Variants in DNER observed in about 807,000 individuals in gnomAD.
DNER encodes the protein delta/notch like EGF repeat containing, also known as delta and Notch-like epidermal growth factor-related receptor.
In DNER, 33 loss-of-function variants were observed where a neutral mutation model predicts 78.2. That is an observed-to-expected ratio of 0.42 (90% CI 0.32 to 0.56). The LOEUF is 0.56. Among genes scored for constraint, DNER ranks in the 20% least tolerant of loss-of-function variants. The pLI is 0.11. For missense variants in DNER, 918 were observed against 975.3 expected, an observed-to-expected ratio of 0.94 and a Z score of 0.78; for synonymous variants, 417 against 384.8, an observed-to-expected ratio of 1.08 and a Z score of -0.98.
chr2:229,409,202 A>G (rs1485420451), intron 9 of DNER, among the ~76,000 whole-genome samples: 1 of 152,226 alleles, frequency 6.6e-6, no homozygotes, highest in East Asian at 1.9e-4. Context: ...GCTCAATTGA[A>G]AGAATAAAAA....
chr2:229,388,650 A>G (rs1388835967), intron 10 of DNER, among the ~76,000 whole-genome samples: 5 of 117,498 alleles, frequency 4.3e-5, no homozygotes, highest in African/African-American at 1.2e-4. Context: ...TATATATAGC[A>G]CTGGTAAAAA....
At chr2:229,672,800 G>A (rs1212070720) in intron 1 of DNER, among the ~76,000 whole-genome samples, 1 of 152,192 alleles carries the variant, frequency 6.6e-6, no homozygotes, top group East Asian at 1.9e-4. Flanking sequence ...GCCTGCCCAT[G>A]TTTAAGGGAA....
chr2:229,362,380 A>G (rs1313009729), intron 12 of DNER, among the ~76,000 whole-genome samples: 1 of 152,178 alleles, frequency 6.6e-6, no homozygotes, highest in Non-Finnish European at 1.5e-5. Flanking sequence ...CTTCGTTGCA[A>G]CCTTCATGCA....
intron 9 of DNER, among the ~76,000 whole-genome samples, chr2:229,413,759 C>G (rs1354313517): frequency 6.7e-6 from 1 of 148,656 alleles, no homozygotes; most frequent in South Asian, 2.2e-4. Context: ...TTATATATAT[C>G]CTCCTAAAAA....
intron 1 of DNER, among the ~76,000 whole-genome samples, chr2:229,655,089 C>T (rs1469547060): frequency 6.6e-6 from 1 of 151,774 alleles, no homozygotes; most frequent in Non-Finnish European, 1.5e-5. Flanking sequence ...AAAACATTCC[C>T]AAATCCCAGT....
intron 6 of DNER, among the ~76,000 whole-genome samples, chr2:229,484,537 T>TTTG (rs1388289987): frequency 6.6e-6 from 1 of 152,128 alleles, no homozygotes; most frequent in Non-Finnish European, 1.5e-5. Flanking sequence ...AACTCTTCAT[T>TTTG]TTGTTGTTGT....
intron 5 of DNER, among the ~76,000 whole-genome samples, chr2:229,526,285 A>G (rs1696206499): frequency 6.6e-6 from 1 of 152,240 alleles, no homozygotes; most frequent in African/African-American, 2.4e-5. Context: ...ATTTAAGAAC[A>G]TTAACACTGC....
At chr2:229,539,820 C>T (rs1189016939) in intron 5 of DNER, among the ~76,000 whole-genome samples, 1 of 152,152 alleles carries the variant, frequency 6.6e-6, no homozygotes, top group African/African-American at 2.4e-5. Flanking sequence ...AGACATTTCT[C>T]TGGGCTCTCA....
chr2:229,391,269 G>C (rs115642144), intron 10 of DNER, among the ~76,000 whole-genome samples: 3 of 152,014 alleles, frequency 2.0e-5, no homozygotes, highest in African/African-American at 7.2e-5. Context: ...ATCAATATTC[G>C]TTTTAACTTA....
At chr2:229,467,036 T>G (rs908031499) in intron 7 of DNER, among the ~76,000 whole-genome samples, 3 of 152,174 alleles carry the variant, frequency 2.0e-5, no homozygotes, top group Admixed American at 2.0e-4. Flanking sequence ...TGTCAAGTCT[T>G]GGACTGTCAC....
intron 8 of DNER, among the ~76,000 whole-genome samples, chr2:229,444,506 G>A (rs1005447330): frequency 5.9e-5 from 9 of 152,130 alleles, no homozygotes; most frequent in Non-Finnish European, 1.3e-4. Flanking sequence ...TGCCTCACAC[G>A]TGTTGAAAAA....
chr2:229,527,364 C>T (rs143855777), intron 5 of DNER, among the ~76,000 whole-genome samples: 2 of 152,330 alleles, frequency 1.3e-5, no homozygotes, highest in East Asian at 3.9e-4. Flanking sequence ...ACAAGTTGCA[C>T]CTGCCTTCTA....
intron 11 of DNER, among the ~76,000 whole-genome samples, chr2:229,376,120 T>G (rs1692593741): frequency 6.6e-6 from 1 of 152,238 alleles, no homozygotes; most frequent in Admixed American, 6.5e-5. Flanking sequence ...GTGAGTCAAT[T>G]AAACCTCTTT....
At chr2:229,599,008 T>C (rs1406025439) in intron 1 of DNER, among the ~76,000 whole-genome samples, 1 of 152,078 alleles carries the variant, frequency 6.6e-6, no homozygotes, top group Non-Finnish European at 1.5e-5. Context: ...CCAAGCTAAG[T>C]GGGCAAAGGC....
At chr2:229,533,987 A>ATAAC (rs1696356627) in intron 5 of DNER, among the ~76,000 whole-genome samples, 3 of 152,238 alleles carry the variant, frequency 2.0e-5, no homozygotes. Context: ...GAAGCTCTGT[A>ATAAC]TAACTCAGTG....
At chr2:229,668,351 C>T (rs182401880) in intron 1 of DNER, among the ~76,000 whole-genome samples, 14 of 149,912 alleles carry the variant, frequency 9.3e-5, no homozygotes, top group East Asian at 2.0e-4. Context: ...TATCACTTCG[C>T]GTCCCAGAAA....
chr2:229,473,115 C>T (rs4973206), intron 7 of DNER, among the ~76,000 whole-genome samples: 45,432 of 152,038 alleles, frequency 0.3, 7,202 homozygotes, highest in South Asian at 0.44. Context: ...AGAAAGGATG[C>T]GGATGTGTGC....
chr2:229,710,829 A>G (rs1011971860), intron 1 of DNER, among the ~76,000 whole-genome samples: 10 of 152,144 alleles, frequency 6.6e-5, no homozygotes, highest in African/African-American at 2.4e-4. Context: ...GAAAGTTTAC[A>G]AAGAAAGAAA....
At chr2:229,594,222 A>G (rs1435787428) in intron 1 of DNER, among the ~76,000 whole-genome samples, 1 of 152,258 alleles carries the variant, frequency 6.6e-6, no homozygotes, top group African/African-American at 2.4e-5. Context: ...AGGACACTCC[A>G]TAGAGTAACT....
Sources: gnomAD v4.1 joint callset for allele counts (sites outside exome capture counted in the v4.1 genomes callset) on GRCh38, gnomAD v4.1.1 for gene constraint, MANE v1.5 for transcripts, NCBI Gene and HGNC (gene_info 2026-07-23, HGNC 2026-07-21) for gene names.